Variants in NSMCE2 observed in about 807,000 individuals in gnomAD.
NSMCE2 encodes E3 SUMO-protein ligase NSE2.
In NSMCE2, 24 loss-of-function variants were observed where a neutral mutation model predicts 23.8. The observed-to-expected ratio is 1.01, with a 90% CI of 0.73 to 1.42. NSMCE2 has a LOEUF of 1.42. Among genes scored for constraint, NSMCE2 ranks in the 40% most tolerant of loss-of-function variants. The probability of loss-of-function intolerance (pLI) is 0.00; values close to 1 mark genes in which losing one functional copy is unlikely to be tolerated. For missense variants in NSMCE2, 284 were observed against 296.5 expected (o/e 0.96, Z 0.31); for synonymous variants, 92 against 94.1 (o/e 0.98, Z 0.13).
chr8:125,316,584 T>C (rs1043038583), intron 5 of NSMCE2, among the ~76,000 whole-genome samples: 4 of 152,092 alleles, frequency 2.6e-5, no homozygotes, highest in East Asian at 3.9e-4. Flanking sequence ...CTTTCTTTCT[T>C]TTCTTTTCTT....
At chr8:125,366,206 T>G (rs1813784070) in intron 7 of NSMCE2, among the ~76,000 whole-genome samples, 1 of 152,110 alleles carries the variant, frequency 6.6e-6, no homozygotes, top group Admixed American at 6.5e-5. Context: ...CAGCAAGCAT[T>G]TATTTGGTTC....
chr8:125,157,761 T>C (rs1405261563), intron 4 of NSMCE2, among the ~76,000 whole-genome samples: 1 of 152,220 alleles, frequency 6.6e-6, no homozygotes, highest in African/African-American at 2.4e-5. Context: ...TCCATCATAG[T>C]ATTTTGGAGT....
At chr8:125,320,101 A>T (rs1829364995) in intron 5 of NSMCE2, among the ~76,000 whole-genome samples, 1 of 147,296 alleles carries the variant, frequency 6.8e-6, no homozygotes, top group Non-Finnish European at 1.5e-5. Flanking sequence ...GCTTGAACCC[A>T]GGAGGTGGAG....
intron 7 of NSMCE2, among the ~76,000 whole-genome samples, chr8:125,362,855 C>T (rs1813616199): frequency 6.6e-6 from 1 of 152,228 alleles, no homozygotes. Flanking sequence ...GGCGCCTGCT[C>T]TGCAGCTGAG....
At chr8:125,351,537 C>T (rs948615922) in intron 5 of NSMCE2, 5 of 151,934 alleles carry the variant, frequency 3.3e-5, no homozygotes, top group Non-Finnish European at 7.4e-5. Context: ...GTTGGACAGC[C>T]GGCATATGCT....
chr8:125,182,500 T>C, intron 5 of NSMCE2: 1 of 551,368 alleles, frequency 1.8e-6, no homozygotes, highest in Non-Finnish European at 3.2e-6. Flanking sequence ...CAGCTAGTTA[T>C]GTGTATTGTC....
chr8:125,354,569 G>T (rs1813174340), intron 5 of NSMCE2, among the ~76,000 whole-genome samples: 1 of 152,258 alleles, frequency 6.6e-6, no homozygotes, highest in African/African-American at 2.4e-5. Context: ...AAAGCTGGAA[G>T]CCCCGAGGCA....
chr8:125,322,835 G>A (rs1486026883), intron 5 of NSMCE2, among the ~76,000 whole-genome samples: 1 of 152,172 alleles, frequency 6.6e-6, no homozygotes, highest in African/African-American at 2.4e-5. Context: ...AATTTTAAAT[G>A]CCATTTATGA....
At chr8:125,134,293 A>G (rs1819943139) in intron 3 of NSMCE2, among the ~76,000 whole-genome samples, 1 of 152,200 alleles carries the variant, frequency 6.6e-6, no homozygotes, top group South Asian at 2.1e-4. Flanking sequence ...GGTTTAAATT[A>G]TATAGTTAAA....
intron 5 of NSMCE2, among the ~76,000 whole-genome samples, chr8:125,235,242 A>AT (rs1825494114): frequency 1.4e-5 from 2 of 144,524 alleles, no homozygotes; most frequent in African/African-American, 5.6e-5. Context: ...CTCCATCTCA[A>AT]TTAAAAAAAA....
At chr8:125,356,244 G>A (rs973391749) in intron 5 of NSMCE2, among the ~76,000 whole-genome samples, 7 of 150,174 alleles carry the variant, frequency 4.7e-5, no homozygotes, top group African/African-American at 1.7e-4. Context: ...ATGGGGGGGG[G>A]TGTTCTGGAA....
chr8:125,303,584 G>A (rs569077710), intron 5 of NSMCE2, among the ~76,000 whole-genome samples: 42 of 152,138 alleles, frequency 2.8e-4, no homozygotes, highest in South Asian at 1.0e-3. Context: ...ACCCCCTCTC[G>A]CTGTTTAGGA....
intron 5 of NSMCE2, among the ~76,000 whole-genome samples, chr8:125,225,268 T>C (rs1825042441): frequency 6.6e-6 from 1 of 152,222 alleles, no homozygotes; most frequent in African/African-American, 2.4e-5. Flanking sequence ...ACAAATTAGC[T>C]AAAAGTAAGG....
intron 5 of NSMCE2, among the ~76,000 whole-genome samples, chr8:125,323,095 T>C (rs901544406): frequency 2.6e-5 from 4 of 152,202 alleles, no homozygotes; most frequent in African/African-American, 9.7e-5. Flanking sequence ...CCTATCGATG[T>C]ATCTGACTAA....
chr8:125,186,029 G>T (rs552789783), intron 5 of NSMCE2, among the ~76,000 whole-genome samples: 38 of 152,306 alleles, frequency 2.5e-4, no homozygotes, highest in African/African-American at 8.9e-4. Context: ...CCTGGGGTCA[G>T]TAAACTCTGG....
At chr8:125,356,281 A>AACACGTAACACG in intron 5 of NSMCE2, among the ~76,000 whole-genome samples, 1 of 144,992 alleles carries the variant, frequency 6.9e-6, no homozygotes, top group East Asian at 2.1e-4. Flanking sequence ...TAAAATGTTT[A>AACACGTAACACG]TGGTAACACG....
chr8:125,250,150 T>C (rs141415167), intron 5 of NSMCE2, among the ~76,000 whole-genome samples: 1 of 152,022 alleles, frequency 6.6e-6, no homozygotes, highest in African/African-American at 2.4e-5. Context: ...CCACCATGCC[T>C]GGCTAATTTT....
At chr8:125,316,465 A>G (rs1829180812) in intron 5 of NSMCE2, among the ~76,000 whole-genome samples, 1 of 152,230 alleles carries the variant, frequency 6.6e-6, no homozygotes, top group Non-Finnish European at 1.5e-5. Flanking sequence ...TGCATTGGTC[A>G]GAAGCTGGAA....
chr8:125,116,125 C>A (rs1818995781), intron 3 of NSMCE2, among the ~76,000 whole-genome samples: 2 of 152,186 alleles, frequency 1.3e-5, no homozygotes, highest in Admixed American at 1.3e-4. Flanking sequence ...GGCAGTAATC[C>A]TTAACAGCTG....
Sources: gnomAD v4.1 joint callset for allele counts (sites outside exome capture counted in the v4.1 genomes callset) on GRCh38, gnomAD v4.1.1 for gene constraint, MANE v1.5 for transcripts, NCBI Gene and HGNC (gene_info 2026-07-23, HGNC 2026-07-21) for gene names.